SYNPR: variants seen among roughly 807,000 people sequenced by gnomAD.
SYNPR encodes the protein synaptoporin.
A neutral mutation model predicts 32.9 loss-of-function variants in SYNPR; 23 were observed. That is an observed-to-expected ratio of 0.70 (90% CI 0.50 to 0.99). The LOEUF is 0.99. Ranked by LOEUF, SYNPR falls within the 50% of genes least tolerant of loss-of-function variation. SYNPR has a pLI of 0.00. For missense variants in SYNPR, 318 were observed against 349.3 expected, an observed-to-expected ratio of 0.91 and a Z score of 0.71; for synonymous variants, 146 against 135.9, an observed-to-expected ratio of 1.07 and a Z score of -0.52.
At chr3:63,354,960 A>G (rs1250006248) in intron 2 of SYNPR, among the ~76,000 whole-genome samples, 2 of 152,296 alleles carry the variant, frequency 1.3e-5, no homozygotes, top group South Asian at 2.1e-4. Flanking sequence ...ACAGAAGTTC[A>G]ACAAATGAAG....
intron 4 of SYNPR, among the ~76,000 whole-genome samples, chr3:63,601,135 G>C (rs958266031): frequency 1.3e-5 from 2 of 152,144 alleles, no homozygotes; most frequent in African/African-American, 4.8e-5. Context: ...AGCCGGGCTT[G>C]GTGGCACATG....
intron 3 of SYNPR, among the ~76,000 whole-genome samples, chr3:63,554,010 C>T (rs559837644): frequency 6.6e-6 from 1 of 152,358 alleles, no homozygotes; most frequent in South Asian, 2.1e-4. Context: ...GCGTGAGCCA[C>T]CATGCCCAGC....
rs114041451 is a variant in SYNPR at position 63,436,514 on chromosome 3, T to C, written c.85-44318T>C. ...GTAAAACCTGAGTCGCCTTGTCTCCTGAGTCAAAGTCTTTTTGGGATATTT... is the reference window on the plus strand; with the variant it reads ...GTAAAACCTGAGTCGCCTTGTCTCCCGAGTCAAAGTCTTTTTGGGATATTT... On this transcript the variant is annotated intron_variant, in intron 2 of 5. Coordinates refer to ENST00000478300, the MANE Select transcript of SYNPR (RefSeq NM_001130003.2). Among the ~76,000 whole-genome samples, 498 of 152,182 alleles carry C rather than the reference T, an allele frequency of 3.3e-3. 2 individuals are homozygous for C. The highest frequency in any genetic ancestry group is 0.012 in the African/African-American group (485 of 41,534).
chr3:63,389,095 A>T (rs886271631), intron 2 of SYNPR, among the ~76,000 whole-genome samples: 1 of 152,230 alleles, frequency 6.6e-6, no homozygotes, highest in Non-Finnish European at 1.5e-5. Context: ...CAGATAAATT[A>T]GGAATAAAAG....
intron 3 of SYNPR, among the ~76,000 whole-genome samples, chr3:63,501,070 A>T (rs904920446): frequency 1.3e-5 from 2 of 152,150 alleles, no homozygotes; most frequent in Non-Finnish European, 2.9e-5. Context: ...TTGTAAAAAA[A>T]AATAGCCATT....
intron 4 of SYNPR, among the ~76,000 whole-genome samples, chr3:63,565,145 A>G (rs1167008638): frequency 6.6e-6 from 1 of 152,182 alleles, no homozygotes; most frequent in Non-Finnish European, 1.5e-5. Context: ...ATAGCCTGGC[A>G]TACCCAGAGA....
In SYNPR at chr3:63,437,977, C is replaced by T. The variant is rs140328187; in HGVS notation, c.85-42855C>T. ...CTCTAGAGGGACAAACAAAAGCTCT[C>T]CAGCACAATGTCTGCCTAAAGGGGA... On this transcript the variant is annotated intron_variant, in intron 2 of 5. Coordinates refer to ENST00000478300, the MANE Select transcript of SYNPR (RefSeq NM_001130003.2). Among the ~76,000 whole-genome samples the T allele has an allele frequency of 7.9e-5, 12 of 152,304 alleles. No individual in the cohort carries two copies. In the East Asian group the frequency reaches 2.3e-3, roughly 29 times the overall value.
At chr3:63,253,633 G>T (rs1227729058) in intron 2 of SYNPR, among the ~76,000 whole-genome samples, 1 of 152,156 alleles carries the variant, frequency 6.6e-6, no homozygotes, top group African/African-American at 2.4e-5. Context: ...TCTCACACCA[G>T]TTAGAATGGC....
chr3:63,244,076 T>C (rs973242243), intron 1 of SYNPR, among the ~76,000 whole-genome samples: 7 of 152,080 alleles, frequency 4.6e-5, no homozygotes, highest in Middle Eastern at 6.8e-3. Context: ...GAGGCAACCC[T>C]GAATTTAGTG....
At chr3:63,527,122 C>G (rs1174647752) in intron 3 of SYNPR, among the ~76,000 whole-genome samples, 4 of 152,116 alleles carry the variant, frequency 2.6e-5, no homozygotes, top group Admixed American at 2.6e-4. Flanking sequence ...ACAAGGCAAT[C>G]TAGACTGAGG....
intron 2 of SYNPR, among the ~76,000 whole-genome samples, chr3:63,256,506 G>C (rs962446788): frequency 6.6e-5 from 10 of 152,330 alleles, no homozygotes; most frequent in Non-Finnish European, 1.3e-4. Flanking sequence ...GCAGCTGAGG[G>C]TCCTGACTGT....
At chr3:63,340,532 G>A (rs1349184454) in intron 2 of SYNPR, among the ~76,000 whole-genome samples, 1 of 145,476 alleles carries the variant, frequency 6.9e-6, no homozygotes, top group Admixed American at 7.1e-5. Context: ...CCATTCTCCT[G>A]CCTCAGCCTC....
intron 3 of SYNPR, among the ~76,000 whole-genome samples, chr3:63,537,955 C>G (rs1351909835): frequency 6.6e-6 from 1 of 151,950 alleles, no homozygotes; most frequent in Non-Finnish European, 1.5e-5. Flanking sequence ...GTCAATAAAC[C>G]TGAGAAAGTT....
chr3:63,281,535 C>T (rs988900934), intron 2 of SYNPR, among the ~76,000 whole-genome samples: 2 of 152,078 alleles, frequency 1.3e-5, no homozygotes, highest in Non-Finnish European at 2.9e-5. Flanking sequence ...TTAGTGAGGG[C>T]CTACTTTCTG....
intron 2 of SYNPR, among the ~76,000 whole-genome samples, chr3:63,322,833 C>G (rs548637276): frequency 8.5e-5 from 13 of 152,172 alleles, no homozygotes; most frequent in Non-Finnish European, 4.4e-5. Context: ...AAGACCCACT[C>G]ACTCATTGAG....
upstream of SYNPR, among the ~76,000 whole-genome samples, chr3:63,227,190 T>A (rs149318842): frequency 6.6e-6 from 1 of 152,330 alleles, no homozygotes; most frequent in South Asian, 2.1e-4. Context: ...TATCCCACAG[T>A]CTGTTAGTGA....
At chr3:63,465,118 C>T (rs902466272) in intron 2 of SYNPR, among the ~76,000 whole-genome samples, 3 of 152,046 alleles carry the variant, frequency 2.0e-5, no homozygotes, top group Non-Finnish European at 4.4e-5. Context: ...TGAAAGATGG[C>T]GAGGATCTTC....
intron 1 of SYNPR, among the ~76,000 whole-genome samples, chr3:63,230,882 G>A (rs962154908): frequency 3.3e-5 from 5 of 152,088 alleles, no homozygotes; most frequent in Non-Finnish European, 7.4e-5. Context: ...TTGTACCTTG[G>A]AAATTTGGAA....
At chr3:63,208,025 C>G in the SYNPR span, among the ~76,000 whole-genome samples, 1 of 148,242 alleles carries the variant, frequency 6.7e-6, no homozygotes, top group African/African-American at 2.4e-5. Context: ...TTCATTAATT[C>G]TACGTGCAAA....
Sources: gnomAD v4.1 joint callset for allele counts (sites outside exome capture counted in the v4.1 genomes callset) on GRCh38, gnomAD v4.1.1 for gene constraint, MANE v1.5 for transcripts, NCBI Gene and HGNC (gene_info 2026-07-23, HGNC 2026-07-21) for gene names.